ANTXR2: variants seen among roughly 807,000 people sequenced by gnomAD.
The protein encoded by ANTXR2 is anthrax toxin receptor 2.
Under a neutral mutation model 73.7 loss-of-function variants are expected in ANTXR2, and 44 were observed. That is an observed-to-expected ratio of 0.60 (90% CI 0.47 to 0.77). ANTXR2 has a LOEUF of 0.77. ANTXR2 is among the 30% of genes least tolerant of loss of function. ANTXR2 has a pLI of 0.00. For missense variants in ANTXR2, 604 were observed against 592.5 expected (o/e 1.02, Z -0.20); for synonymous variants, 217 against 205.9 (o/e 1.05, Z -0.46).
intron 16 of ANTXR2, among the ~76,000 whole-genome samples, chr4:79,915,858 C>CTATATA (rs1248612325): frequency 0.052 from 6,133 of 116,898 alleles, 181 homozygotes; most frequent in Admixed American, 0.072. Flanking sequence ...CTCTCTCTCT[C>CTATATA]TCTCTATATA....
At chr4:79,986,624 A>C (rs533985509) in intron 12 of ANTXR2, among the ~76,000 whole-genome samples, 1 of 152,028 alleles carries the variant, frequency 6.6e-6, no homozygotes, top group Non-Finnish European at 1.5e-5. Context: ...GTTGGTTTTC[A>C]TTTGTCTGCA....
At chr4:79,950,747 AG>A (rs1306476271) in intron 16 of ANTXR2, among the ~76,000 whole-genome samples, 2 of 152,204 alleles carry the variant, frequency 1.3e-5, no homozygotes, top group African/African-American at 4.8e-5. Context: ...TGATCAAAAA[AG>A]CCTCTTCAGT....
intron 16 of ANTXR2, among the ~76,000 whole-genome samples, chr4:79,920,706 G>T (rs1231404212): frequency 6.6e-6 from 1 of 152,098 alleles, no homozygotes; most frequent in Non-Finnish European, 1.5e-5. Flanking sequence ...AGAAGGCAGA[G>T]ATCTTACTAT....
At chr4:79,963,112 C>G (rs1277026486) in intron 16 of ANTXR2, among the ~76,000 whole-genome samples, 1 of 152,122 alleles carries the variant, frequency 6.6e-6, no homozygotes, top group Non-Finnish European at 1.5e-5. Context: ...GTGCCAAGCA[C>G]TGGGTGATTT....
chr4:80,041,219 T>G (rs1482232126), intron 7 of ANTXR2, among the ~76,000 whole-genome samples: 1 of 151,994 alleles, frequency 6.6e-6, no homozygotes, highest in African/African-American at 2.4e-5. Context: ...TTTTATTGAG[T>G]CCAAACCCCA....
At chr4:79,936,272 T>C (rs1728252942) in intron 16 of ANTXR2, among the ~76,000 whole-genome samples, 1 of 151,708 alleles carries the variant, frequency 6.6e-6, no homozygotes, top group Non-Finnish European at 1.5e-5. Context: ...AATTGATCTC[T>C]ATTCAGATAA....
chr4:79,912,829 A>G (rs1394630809), intron 16 of ANTXR2, among the ~76,000 whole-genome samples: 1 of 152,094 alleles, frequency 6.6e-6, no homozygotes, highest in Admixed American at 6.6e-5. Flanking sequence ...TCTATTCTAC[A>G]GCCATTAAAA....
chr4:80,068,746 T>TG (rs1041941073), intron 3 of ANTXR2, among the ~76,000 whole-genome samples: 10 of 152,184 alleles, frequency 6.6e-5, no homozygotes, highest in African/African-American at 2.4e-4. Context: ...CACTCCAGCC[T>TG]GGGCAACAGA....
At chr4:79,956,125 C>T (rs1186691079) in intron 16 of ANTXR2, among the ~76,000 whole-genome samples, 2 of 152,086 alleles carry the variant, frequency 1.3e-5, no homozygotes, top group East Asian at 1.9e-4. Flanking sequence ...TCTGTATAAA[C>T]TTGCTGTAGA....
chr4:79,915,985 C>T (rs1727341370), intron 16 of ANTXR2, among the ~76,000 whole-genome samples: 1 of 151,696 alleles, frequency 6.6e-6, no homozygotes, highest in African/African-American at 2.4e-5. Flanking sequence ...CTATAAATGT[C>T]CAATTTTACA....
rs1000455651 is a variant in ANTXR2 at position 80,073,055 on chromosome 4, C to G, written c.-495G>C. On this transcript the variant is annotated 5_prime_UTR_variant, in exon 1 of 17. Transcript: ENST00000403729. ...AACTAGGAGTGGAGACTCTTCTCCT[C>G]CGGCGGCCCCAACTCCCTCCGCACT... is the stretch of plus-strand genomic sequence containing the variant. 5 of 153,320 alleles carry G rather than the reference C, an allele frequency of 3.3e-5. No individual in the cohort carries two copies. Among genetic ancestry groups the G allele is most frequent in the African/African-American group, 1.2e-4 (5 of 41,618 alleles). The allele number at this position is 153,320 out of a possible 1,614,324, so 9.5% of individuals were successfully genotyped here. A position where few individuals can be genotyped will look rare whatever the true frequency, so the allele number is the denominator to read the frequency against.
intron 16 of ANTXR2, among the ~76,000 whole-genome samples, chr4:79,915,594 G>C (rs1727310157): frequency 6.6e-6 from 1 of 152,002 alleles, no homozygotes; most frequent in Admixed American, 6.6e-5. Flanking sequence ...CCTTCATGTT[G>C]TGTACGACAG....
chr4:80,011,164 A>T (rs528369463), intron 11 of ANTXR2, among the ~76,000 whole-genome samples: 1 of 152,030 alleles, frequency 6.6e-6, no homozygotes, highest in South Asian at 2.1e-4. Flanking sequence ...TAAATTAAAT[A>T]AATTAATTAA....
Position 79,906,289 on chromosome 4 carries a change from G to A in ANTXR2, c.*1140C>T, listed in dbSNP as rs1159534908. 1.3e-5 allele frequency: 2 copies of A among 152,570 alleles called. No homozygotes were observed. Among genetic ancestry groups the A allele is most frequent in the African/African-American group, 4.8e-5 (2 of 41,436 alleles). 9.5% of individuals were successfully genotyped at this position (152,570 alleles called of 1,614,324 possible). A position where few individuals can be genotyped will look rare whatever the true frequency, so the allele number is the denominator to read the frequency against. Reference sequence around the variant, plus strand: ...CCTCTACTGAATCATAACCAAGGTAGAGTGCCCCTCAAAATCCAAGTAATG... The same window carrying A: ...CCTCTACTGAATCATAACCAAGGTAAAGTGCCCCTCAAAATCCAAGTAATG... On this transcript the variant is annotated 3_prime_UTR_variant, in exon 17 of 17. Transcript: ENST00000403729.
At chr4:80,016,664 A>G (rs1731887554) in intron 11 of ANTXR2, among the ~76,000 whole-genome samples, 1 of 152,060 alleles carries the variant, frequency 6.6e-6, no homozygotes, top group Non-Finnish European at 1.5e-5. Flanking sequence ...CCCTCATTCA[A>G]CCTCACCACA....
chr4:80,055,032 TA>T, intron 6 of ANTXR2, 117 bp downstream of exon 6: 2 of 910,192 alleles, frequency 2.2e-6, no homozygotes, highest in South Asian at 1.7e-5. Flanking sequence ...GCCATTTCTA[TA>T]AAAAATCTTT....
At chr4:80,026,662 A>G (rs1319927342) in intron 10 of ANTXR2, among the ~76,000 whole-genome samples, 1 of 152,038 alleles carries the variant, frequency 6.6e-6, no homozygotes, top group Non-Finnish European at 1.5e-5. Context: ...ATTTCCTTAT[A>G]TTGATCTGAA....
At chr4:80,000,431 C>A (rs1444495401) in intron 12 of ANTXR2, among the ~76,000 whole-genome samples, 3 of 151,928 alleles carry the variant, frequency 2.0e-5, no homozygotes, top group Non-Finnish European at 4.4e-5. Context: ...TCAATTTTCT[C>A]AATTTTAAGA....
intron 7 of ANTXR2, among the ~76,000 whole-genome samples, chr4:80,040,168 A>G (rs1733166529): frequency 6.6e-6 from 1 of 151,918 alleles, no homozygotes; most frequent in South Asian, 2.1e-4. Flanking sequence ...ATTGGGTACT[A>G]TGTTCAGTAC....
Sources: allele counts gnomAD v4.1 joint callset (sites outside exome capture counted in the v4.1 genomes callset), GRCh38; gene constraint gnomAD v4.1.1; transcripts MANE v1.5; gene names NCBI Gene and HGNC (gene_info 2026-07-23, HGNC 2026-07-21).